Variants in SH3GL2 observed in about 807,000 individuals in gnomAD.
SH3GL2 encodes the protein endophilin-A1.
A neutral mutation model predicts 46.0 loss-of-function variants in SH3GL2; 24 were observed. That is an observed-to-expected ratio of 0.52 (90% CI 0.38 to 0.73). The LOEUF (loss-of-function observed/expected upper bound fraction) is 0.73, where lower values mean the gene tolerates loss of function less well. Among genes scored for constraint, SH3GL2 ranks in the 30% least tolerant of loss-of-function variants. The probability of loss-of-function intolerance (pLI) is 0.00; values close to 1 mark genes in which losing one functional copy is unlikely to be tolerated. For synonymous variants in SH3GL2, 196 were observed against 147.1 expected (o/e 1.33, Z -2.40); for missense variants, 413 against 424.2 (o/e 0.97, Z 0.23).
intron 1 of SH3GL2, among the ~76,000 whole-genome samples, chr9:17,716,573 A>T (rs1057272057): frequency 5.9e-5 from 9 of 152,124 alleles, no homozygotes; most frequent in Non-Finnish European, 1.3e-4. Flanking sequence ...TGTTCCCTCT[A>T]CTGTTTTTGG....
chr9:17,620,600 A>G (rs894140089), intron 1 of SH3GL2, among the ~76,000 whole-genome samples: 2 of 152,206 alleles, frequency 1.3e-5, no homozygotes, highest in African/African-American at 4.8e-5. Flanking sequence ...TACTCTGGGC[A>G]TGAGAAACTG....
intron 1 of SH3GL2, among the ~76,000 whole-genome samples, chr9:17,579,819 G>C (rs1171965779): frequency 6.6e-6 from 1 of 152,196 alleles, no homozygotes; most frequent in Admixed American, 6.5e-5. Context: ...GGCTCCAGGG[G>C]AATGGAAGGC....
intron 1 of SH3GL2, among the ~76,000 whole-genome samples, chr9:17,586,001 A>G (rs544622192): frequency 1.3e-5 from 2 of 152,364 alleles, no homozygotes; most frequent in African/African-American, 2.4e-5. Flanking sequence ...GATGGATAAT[A>G]AAGACTAAAG....
chr9:17,589,980 A>G (rs974014267), intron 1 of SH3GL2: 7 of 152,098 alleles, frequency 4.6e-5, no homozygotes, highest in African/African-American at 1.7e-4. Context: ...GCACCCTGAG[A>G]TATATTTTAG....
intron 1 of SH3GL2, among the ~76,000 whole-genome samples, chr9:17,705,749 T>C (rs1317387460): frequency 6.6e-6 from 1 of 151,872 alleles, no homozygotes; most frequent in Non-Finnish European, 1.5e-5. Context: ...GAGCTAAACA[T>C]TCAGTACACA....
chr9:17,675,274 G>A (rs955530159), intron 1 of SH3GL2, among the ~76,000 whole-genome samples: 2 of 151,992 alleles, frequency 1.3e-5, no homozygotes, highest in East Asian at 1.9e-4. Context: ...AAAATTTGGC[G>A]GGTTTTAATT....
chr9:17,707,686 G>A (rs1474695358), intron 1 of SH3GL2, among the ~76,000 whole-genome samples: 2 of 151,990 alleles, frequency 1.3e-5, no homozygotes, highest in East Asian at 3.9e-4. Flanking sequence ...CTATAGATAT[G>A]TTTGGGCAAA....
intron 1 of SH3GL2, among the ~76,000 whole-genome samples, chr9:17,649,696 G>A (rs1486523450): frequency 1.3e-5 from 2 of 152,106 alleles, no homozygotes; most frequent in Admixed American, 6.6e-5. Context: ...ACACGTATTA[G>A]GTCTCATTTC....
chr9:17,608,353 A>C (rs1457931178), intron 1 of SH3GL2, among the ~76,000 whole-genome samples: 2 of 151,970 alleles, frequency 1.3e-5, no homozygotes, highest in South Asian at 2.1e-4. Context: ...TCACCGTGTT[A>C]GCCGGGATGG....
chr9:17,684,045 C>T (rs770925314), intron 1 of SH3GL2, among the ~76,000 whole-genome samples: 2 of 152,174 alleles, frequency 1.3e-5, no homozygotes, highest in East Asian at 1.9e-4. Context: ...CCAAAAATTA[C>T]TGAGATGCAC....
chr9:17,579,257 C>T lies in SH3GL2; in HGVS notation c.15C>T (p.Gly5=). 2 of 1,566,458 alleles carry T rather than the reference C, an allele frequency of 1.3e-6. No homozygotes were observed. The highest frequency in any genetic ancestry group is 8.6e-7 in the Non-Finnish European group (1 of 1,157,708). The change falls in exon 1 of 9, where the codon GGC becomes GGT. Residue 5 remains glycine, a synonymous_variant. Coordinates refer to ENST00000380607, the MANE Select transcript of SH3GL2 (RefSeq NM_003026.5). Reference sequence around the variant, plus strand: ...CCTCCTGCACCATGTCGGTGGCCGGCCTCAAGAAGCAGTTCCATAAAGCCA... The same window carrying T: ...CCTCCTGCACCATGTCGGTGGCCGGTCTCAAGAAGCAGTTCCATAAAGCCA... The part of the protein sequence containing the change: MSVA[G]LKKQFHKATQ...
chr9:17,775,531 C>G (rs562007273), intron 3 of SH3GL2, among the ~76,000 whole-genome samples: 4 of 152,074 alleles, frequency 2.6e-5, no homozygotes, highest in Non-Finnish European at 5.9e-5. Flanking sequence ...TGGTTATGGT[C>G]TTCAGTTTTT....
At chr9:17,700,485 T>A (rs1055572757) in intron 1 of SH3GL2, among the ~76,000 whole-genome samples, 3 of 152,218 alleles carry the variant, frequency 2.0e-5, no homozygotes, top group African/African-American at 7.2e-5. Context: ...GCCTCTTGGT[T>A]CCCTGGATTC....
chr9:17,628,422 GTGTGTGT>G (rs1819338812), intron 1 of SH3GL2, among the ~76,000 whole-genome samples: 1 of 67,212 alleles, frequency 1.5e-5, no homozygotes, highest in Non-Finnish European at 3.2e-5. Context: ...GTGTGTGTGT[GTGTGTGT>G]GTGTGTGTGT....
intron 3 of SH3GL2, among the ~76,000 whole-genome samples, chr9:17,783,457 A>G (rs1252353074): frequency 6.6e-6 from 1 of 151,344 alleles, no homozygotes; most frequent in African/African-American, 2.4e-5. Context: ...AGAGGAAAAT[A>G]ACTCAGGCAG....
chr9:17,661,523 G>GAT (rs1477196714), intron 1 of SH3GL2, among the ~76,000 whole-genome samples: 2 of 152,146 alleles, frequency 1.3e-5, no homozygotes, highest in African/African-American at 2.4e-5. Context: ...AATCTCAAGT[G>GAT]ATATATATAC....
intron 1 of SH3GL2, among the ~76,000 whole-genome samples, chr9:17,649,133 C>A (rs1430736142): frequency 1.3e-5 from 2 of 152,188 alleles, no homozygotes; most frequent in Non-Finnish European, 2.9e-5. Context: ...AAGAGTCTTA[C>A]CCTGTCACCC....
intron 7 of SH3GL2, 92 bp from the exon 8 acceptor site, chr9:17,793,275 G>A (rs568862639): frequency 1.8e-6 from 2 of 1,130,228 alleles, no homozygotes; most frequent in Non-Finnish European, 2.6e-6. Context: ...CATGGTGGGT[G>A]ACCCAAGCAT....
At chr9:17,648,833 A>T (rs1268107802) in intron 1 of SH3GL2, among the ~76,000 whole-genome samples, 1 of 152,224 alleles carries the variant, frequency 6.6e-6, no homozygotes, top group Non-Finnish European at 1.5e-5. Context: ...TTCTAGAAAG[A>T]GATGACAGTG....
Sources: allele counts gnomAD v4.1 joint callset (sites outside exome capture counted in the v4.1 genomes callset), GRCh38; gene constraint gnomAD v4.1.1; transcripts MANE v1.5; gene names NCBI Gene and HGNC (gene_info 2026-07-23, HGNC 2026-07-21).